The following ZFAT variants were observed in gnomAD, a reference collection of about 807,000 sequenced individuals.
ZFAT encodes the protein zinc finger and AT-hook domain containing.
A neutral mutation model predicts 117.7 loss-of-function variants in ZFAT; 64 were observed. That is an observed-to-expected ratio of 0.54 (90% CI 0.44 to 0.67). ZFAT has a LOEUF of 0.67. ZFAT is among the 30% of genes least tolerant of loss of function. ZFAT has a pLI of 0.00. For synonymous variants in ZFAT, 679 were observed against 615.0 expected, an observed-to-expected ratio of 1.10 and a Z score of -1.54; for missense variants, 1,433 against 1,584.5, an observed-to-expected ratio of 0.90 and a Z score of 1.62.
At chr8:134,802,558 A>C in the ZFAT span, among the ~76,000 whole-genome samples, 1 of 152,208 alleles carries the variant, frequency 6.6e-6, no homozygotes, top group African/African-American at 2.4e-5. Context: ...AAAAGCATCT[A>C]ATTTGAAATA....
intron 15 of ZFAT, among the ~76,000 whole-genome samples, chr8:134,482,706 CAA>C (rs1586551510): frequency 2.0e-5 from 3 of 152,196 alleles, no homozygotes. Context: ...TATCAGAGTA[CAA>C]AAAAGTTTTC....
chr8:134,491,114 TAAC>T (rs1230496891), intron 15 of ZFAT, among the ~76,000 whole-genome samples: 5 of 152,214 alleles, frequency 3.3e-5, no homozygotes, highest in Non-Finnish European at 7.3e-5. Flanking sequence ...AAATAAACAA[TAAC>T]AACAACCTTA....
At chr8:134,790,688 G>T in the ZFAT span, among the ~76,000 whole-genome samples, 6 of 152,010 alleles carry the variant, frequency 3.9e-5, no homozygotes, top group African/African-American at 1.4e-4. Context: ...TACCTCTTCT[G>T]TGCTGCATTC....
intron 1 of ZFAT, among the ~76,000 whole-genome samples, chr8:134,680,261 CAAAA>C (rs35292754): frequency 1.0e-4 from 5 of 48,930 alleles, no homozygotes; most frequent in Admixed American, 2.6e-4. Flanking sequence ...GACTCCCCCT[CAAAA>C]AAAAAAAAAA....
At chr8:134,571,678 C>T (rs969328671) in intron 10 of ZFAT, among the ~76,000 whole-genome samples, 19 of 152,236 alleles carry the variant, frequency 1.2e-4, no homozygotes, top group African/African-American at 4.6e-4. Flanking sequence ...CTCTCCTACA[C>T]AGCACTATGA....
At chr8:134,765,676 C>T in the ZFAT span, 1 of 151,278 alleles carries the variant, frequency 6.6e-6, no homozygotes, top group African/African-American at 2.4e-5. Context: ...ATTCCCAATA[C>T]TTTACCACCA....
At chr8:134,558,638 T>C (rs1586706348) in intron 11 of ZFAT, among the ~76,000 whole-genome samples, 2 of 152,326 alleles carry the variant, frequency 1.3e-5, no homozygotes, top group Middle Eastern at 3.4e-3. Context: ...TCGAAAAGTA[T>C]ATAAACCACG....
At chr8:134,802,272 T>C in the ZFAT span, among the ~76,000 whole-genome samples, 1 of 152,096 alleles carries the variant, frequency 6.6e-6, no homozygotes, top group Non-Finnish European at 1.5e-5. Context: ...CCCAAACTGA[T>C]ATTCAAACTA....
chr8:134,758,627 A>G, the ZFAT span, among the ~76,000 whole-genome samples: 2 of 152,240 alleles, frequency 1.3e-5, no homozygotes, highest in African/African-American at 2.4e-5. Context: ...CAGAAAGAAA[A>G]GAAAGACATG....
chr8:134,593,211 C>T (rs1826660588), intron 7 of ZFAT, among the ~76,000 whole-genome samples: 1 of 152,220 alleles, frequency 6.6e-6, no homozygotes, highest in African/African-American at 2.4e-5. Context: ...GTGATCTCCC[C>T]TGAGCCTCTG....
chr8:134,711,529 G>A (rs1216801513), intron 1 of ZFAT, among the ~76,000 whole-genome samples: 1 of 152,186 alleles, frequency 6.6e-6, no homozygotes, highest in South Asian at 2.1e-4. Context: ...GGCTGAGGCG[G>A]GAGGTTTACC....
At chr8:134,619,476 A>G (rs1485222928) in intron 3 of ZFAT, among the ~76,000 whole-genome samples, 3 of 151,972 alleles carry the variant, frequency 2.0e-5, no homozygotes, top group Non-Finnish European at 4.4e-5. Flanking sequence ...TCTCACACAA[A>G]CAGTCCCTAC....
chr8:134,645,449 T>C (rs1830829301), intron 2 of ZFAT, among the ~76,000 whole-genome samples: 1 of 152,122 alleles, frequency 6.6e-6, no homozygotes, highest in Non-Finnish European at 1.5e-5. Flanking sequence ...TCATGCTTTT[T>C]AAAATTAAAC....
chr8:134,481,450 T>C (rs1284502738), intron 15 of ZFAT, among the ~76,000 whole-genome samples: 3 of 152,190 alleles, frequency 2.0e-5, no homozygotes, highest in East Asian at 1.9e-4. Context: ...TCTGTGGACA[T>C]AGTGACTGCC....
At position 134,478,744 on chromosome 8, in the gene ZFAT, A is replaced by G; in HGVS notation, c.3493-23T>C. 5 of 1,539,062 alleles carry G rather than the reference A, an allele frequency of 3.2e-6. No individual in the cohort carries two copies. Among genetic ancestry groups the G allele is most frequent in the Non-Finnish European group, 3.5e-6 (4 of 1,140,140 alleles). On this transcript the variant is annotated intron_variant, in intron 15 of 15. Coordinates refer to ENST00000377838, the MANE Select transcript of ZFAT (RefSeq NM_020863.4). The surrounding 1 kb of genome is among the most constrained non-coding windows in gnomAD (Gnocchi z 5.2). ...GACCTGCGGGAGGAGGGCAAGAGAA[A>G]GGTCACCCAGCGCCTACTTCCCGGT...
intron 12 of ZFAT, among the ~76,000 whole-genome samples, chr8:134,530,245 C>T (rs1689716931): frequency 6.6e-6 from 1 of 152,124 alleles, no homozygotes; most frequent in Non-Finnish European, 1.5e-5. Flanking sequence ...TATATCAAAA[C>T]ATGAAATTAT....
At chr8:134,653,012 T>C (rs938662244) in intron 2 of ZFAT, among the ~76,000 whole-genome samples, 18 of 151,692 alleles carry the variant, frequency 1.2e-4, no homozygotes, top group African/African-American at 3.1e-4. Flanking sequence ...AGAAAACATA[T>C]GTCATCAAAA....
At position 134,602,738 on chromosome 8, in the gene ZFAT, G is replaced by C; in HGVS notation, c.981C>G (p.Ala327=). Residue 327 remains alanine, a synonymous_variant, in exon 6 of 16, where the codon GCC becomes GCG. Coordinates refer to ENST00000377838, the MANE Select transcript of ZFAT (RefSeq NM_020863.4). The part of the protein sequence containing the change: ...HLRKHTGEKF[A]CDYCSFTCLS... ...GGCAGGTGAACGAGCAATAGTCGCA[G>C]GCGAACTTCTCTCCAGTGTGCTTGC... 6.2e-7 allele frequency: 1 copy of C among 1,613,748 alleles called. No individual in the cohort carries two copies. The highest frequency in any genetic ancestry group is 1.7e-5 in the Admixed American group (1 of 60,018).
chr8:134,810,461 C>T, the ZFAT span, among the ~76,000 whole-genome samples: 603 of 152,294 alleles, frequency 4.0e-3, 4 homozygotes, highest in African/African-American at 0.014. Context: ...AAATAATCTA[C>T]TTCACGCTCT....
Sources: allele counts gnomAD v4.1 joint callset (sites outside exome capture counted in the v4.1 genomes callset), GRCh38; gene constraint gnomAD v4.1.1; non-coding constraint Gnocchi (gnomAD v3.1); transcripts MANE v1.5; gene names NCBI Gene and HGNC (gene_info 2026-07-23, HGNC 2026-07-21).